The following SOD2 variants were observed in gnomAD, a reference collection of about 807,000 sequenced individuals.
The protein encoded by SOD2 is superoxide dismutase [Mn], mitochondrial.
In SOD2, 11 loss-of-function variants were observed where a neutral mutation model predicts 27.0. The ratio of observed to expected loss-of-function variants is 0.41; its 90% CI spans 0.26 to 0.67. The LOEUF is 0.67. Among genes scored for constraint, SOD2 ranks in the 30% least tolerant of loss-of-function variants. SOD2 has a pLI of 0.34. For synonymous variants in SOD2, 105 were observed against 103.0 expected (o/e 1.02, Z -0.12); for missense variants, 250 against 274.5 (o/e 0.91, Z 0.63).
intron 1 of SOD2, among the ~76,000 whole-genome samples, chr6:159,716,910 A>C (rs1340934086): frequency 6.6e-6 from 1 of 152,176 alleles, no homozygotes; most frequent in African/African-American, 2.4e-5. Context: ...AGAAGTTCCT[A>C]GATTGTGCAA....
chr6:159,726,541 C>CT, intron 1 of SOD2: 1 of 339,614 alleles, frequency 2.9e-6, no homozygotes, highest in Non-Finnish European at 5.8e-6. Context: ...TGTTTAGAGA[C>CT]TGTTTCACGT....
upstream of SOD2, among the ~76,000 whole-genome samples, chr6:159,732,175 T>TC (rs1436095320): frequency 1.3e-5 from 2 of 152,140 alleles, no homozygotes; most frequent in Admixed American, 6.5e-5. Flanking sequence ...TTGAAAAAAA[T>TC]CCAAATATAA....
chr6:159,745,976 C>T (rs1414547508), upstream of SOD2, among the ~76,000 whole-genome samples: 1 of 152,074 alleles, frequency 6.6e-6, no homozygotes, highest in African/African-American at 2.4e-5. Flanking sequence ...GACTGAGTAA[C>T]GATGCTACTA....
At chr6:159,683,342 T>C (rs1166660375) in intron 4 of SOD2, among the ~76,000 whole-genome samples, 2 of 151,900 alleles carry the variant, frequency 1.3e-5, no homozygotes, top group African/African-American at 4.8e-5. Context: ...AAAATTAGCC[T>C]GGCGAGGTGG....
At chr6:159,706,214 G>A (rs1215111349) in intron 1 of SOD2, among the ~76,000 whole-genome samples, 1 of 152,136 alleles carries the variant, frequency 6.6e-6, no homozygotes, top group South Asian at 2.1e-4. Context: ...ATCAACTAAT[G>A]AGCAAAATAA....
intron 1 of SOD2, among the ~76,000 whole-genome samples, chr6:159,705,691 C>T (rs1429740428): frequency 6.6e-6 from 1 of 152,234 alleles, no homozygotes; most frequent in Admixed American, 6.5e-5. Context: ...GGAAAACACT[C>T]TGCAGGATAT....
intron 1 of SOD2, chr6:159,714,014 A>T (rs1777879433): frequency 1.4e-6 from 1 of 730,806 alleles, no homozygotes; most frequent in Non-Finnish European, 2.3e-6. Context: ...CTTGGTGGCA[A>T]GTTTGGCGGA....
chr6:159,757,267 G>A (rs1326070444), intron 1 of SOD2, among the ~76,000 whole-genome samples: 1 of 152,186 alleles, frequency 6.6e-6, no homozygotes, highest in African/African-American at 2.4e-5. Context: ...AACCTTGGGA[G>A]TGGAGTTATA....
rs1050220656 is a variant in SOD2 at position 159,680,855 on chromosome 6, G to C, written c.*1638C>G. 6.7e-6 allele frequency: 1 copy of C among 150,160 alleles called. No individual in the cohort carries two copies. The highest frequency in any genetic ancestry group is 2.4e-5 in the African/African-American group (1 of 40,884). 9.3% of individuals were successfully genotyped at this position (150,160 alleles called of 1,614,324 possible). ...GGAGGCTGAGGTGGGACAATCACTT[G>C]AACCCGGGAAGTGGAGGTTGCAGTG... On this transcript the variant is annotated 3_prime_UTR_variant, in exon 5 of 5. Coordinates refer to ENST00000538183, the MANE Select transcript of SOD2 (RefSeq NM_000636.4).
intron 1 of SOD2, among the ~76,000 whole-genome samples, chr6:159,710,377 G>C (rs1777710607): frequency 1.3e-5 from 2 of 151,686 alleles, no homozygotes; most frequent in African/African-American, 4.8e-5. Context: ...TTGAACCTGG[G>C]AGGCAAAGTT....
Position 159,755,496 on chromosome 6 carries a change from G to A in SOD2, c.-336+5541C>T, listed in dbSNP as rs747820168. 6 of 1,614,036 alleles carry A rather than the reference G, an allele frequency of 3.7e-6. No individual in the cohort carries two copies. The highest frequency in any genetic ancestry group is 5.1e-6 in the Non-Finnish European group (6 of 1,180,054). ...CACCAATCAAATGACACAGACTCCA[G>A]TCATGACCCTCAAGAGGAGAAAGCA... is the stretch of plus-strand genomic sequence containing the variant. On this transcript the variant is annotated intron_variant, in intron 1 of 7. Coordinates refer to the SOD2 transcript ENST00000546087.
intron 1 of SOD2, among the ~76,000 whole-genome samples, chr6:159,705,078 A>C (rs1427562458): frequency 1.3e-5 from 2 of 152,338 alleles, no homozygotes; most frequent in Non-Finnish European, 2.9e-5. Flanking sequence ...TTAGAAAGAA[A>C]ACCAACAAAC....
intron 1 of SOD2, among the ~76,000 whole-genome samples, chr6:159,711,735 A>G (rs1777778552): frequency 1.8e-5 from 2 of 112,470 alleles, no homozygotes; most frequent in African/African-American, 3.4e-5. Context: ...CACCTCCACA[A>G]CCACCACTCA....
chr6:159,704,838 C>T (rs1777591880), intron 1 of SOD2, among the ~76,000 whole-genome samples: 1 of 152,200 alleles, frequency 6.6e-6, no homozygotes, highest in Non-Finnish European at 1.5e-5. Flanking sequence ...TCGAGTGGGT[C>T]CCTGACCCCT....
At chr6:159,697,552 AAGG>A (rs1777445713), upstream of SOD2, among the ~76,000 whole-genome samples, 1 of 152,328 alleles carries the variant, frequency 6.6e-6, no homozygotes, top group African/African-American at 2.4e-5. Flanking sequence ...CTGGAAAGGA[AAGG>A]AGGAGCTTGG....
chr6:159,747,485 A>G (rs1779640389), upstream of SOD2, among the ~76,000 whole-genome samples: 1 of 152,214 alleles, frequency 6.6e-6, no homozygotes. Context: ...GGGGAAAAAT[A>G]TGAATTATAC....
chr6:159,748,125 T>A, upstream of SOD2: 2 of 1,518,350 alleles, frequency 1.3e-6, no homozygotes, highest in Non-Finnish European at 8.9e-7. This position sits in a 1 kb window ranked among gnomAD's most constrained non-coding sequence, Gnocchi z 5.6. Context: ...ATGGAGGGAG[T>A]TTTCCCCACC....
chr6:159,685,135 C>A, intron 3 of SOD2, 102 bp from the exon 4 acceptor site: 3 of 702,514 alleles, frequency 4.3e-6, no homozygotes, highest in Non-Finnish European at 6.1e-6. Context: ...TCATAGGGCC[C>A]AAGAAATTAG....
intron 1 of SOD2, among the ~76,000 whole-genome samples, chr6:159,735,418 C>T (rs550788292): frequency 2.0e-5 from 3 of 152,282 alleles, no homozygotes; most frequent in South Asian, 2.1e-4. Flanking sequence ...AGATTACAGT[C>T]GTGAGCCATC....
Sources: gnomAD v4.1 joint callset for allele counts (sites outside exome capture counted in the v4.1 genomes callset) on GRCh38, gnomAD v4.1.1 for gene constraint, Gnocchi (gnomAD v3.1) non-coding constraint, MANE v1.5 for transcripts, NCBI Gene and HGNC (gene_info 2026-07-23, HGNC 2026-07-21) for gene names.